SLC4A4: variants seen among roughly 807,000 people sequenced by gnomAD.
SLC4A4 encodes the protein solute carrier family 4 member 4.
A neutral mutation model predicts 111.5 loss-of-function variants in SLC4A4; 27 were observed. That is an observed-to-expected ratio of 0.24 (90% confidence interval 0.18 to 0.33). The LOEUF (loss-of-function observed/expected upper bound fraction) is 0.33. Ranked by LOEUF, SLC4A4 falls within the 10% of genes least tolerant of loss-of-function variation. The probability of loss-of-function intolerance (pLI) is 1.00; values close to 1 mark genes in which losing one functional copy is unlikely to be tolerated. For missense variants in SLC4A4, 909 were observed against 1,315.5 expected (o/e 0.69, Z 4.78); for synonymous variants, 443 against 463.4 (o/e 0.96, Z 0.57).
At chr4:71,415,379 G>A (rs1368582199) in intron 7 of SLC4A4, among the ~76,000 whole-genome samples, 1 of 152,122 alleles carries the variant, frequency 6.6e-6, no homozygotes. Context: ...GAACTCTAAT[G>A]TGATTATAAT....
chr4:71,429,955 A>G lies in SLC4A4; in HGVS notation c.808-10661A>G, dbSNP rs183094809. ...ATCTTTACATTTTTTCTAGTACTTTATTATTGTTCACAGTTTATTGTGTAA... is the reference window on the plus strand; with the variant it reads ...ATCTTTACATTTTTTCTAGTACTTTGTTATTGTTCACAGTTTATTGTGTAA... On this transcript the variant is annotated intron_variant, in intron 7 of 25. Coordinates refer to ENST00000264485, the MANE Select transcript of SLC4A4 (RefSeq NM_001098484.3). 1.4e-3 allele frequency among the ~76,000 whole-genome samples: 210 copies of G among 151,884 alleles called. 1 individual carries two copies. The highest frequency in any genetic ancestry group is 4.8e-3 in the African/African-American group (199 of 41,442).
intron 3 of SLC4A4, among the ~76,000 whole-genome samples, chr4:71,279,415 G>A (rs973863189): frequency 1.3e-5 from 2 of 152,012 alleles, no homozygotes; most frequent in Admixed American, 6.6e-5. Flanking sequence ...GCAAATGACA[G>A]GATTTCCTGT....
intron 3 of SLC4A4, among the ~76,000 whole-genome samples, chr4:71,270,585 T>A (rs74830758): frequency 0.015 from 2,317 of 152,338 alleles, 59 homozygotes; most frequent in African/African-American, 0.052. Flanking sequence ...TACTTAAAAA[T>A]GTAGAAACAC....
At chr4:71,297,132 G>A (rs1724856144) in intron 3 of SLC4A4, among the ~76,000 whole-genome samples, 5 of 152,206 alleles carry the variant, frequency 3.3e-5, no homozygotes, top group Admixed American at 3.3e-4. Context: ...TGTATTGGGA[G>A]GAGGCCCAAG....
intron 1 of SLC4A4, among the ~76,000 whole-genome samples, chr4:71,194,157 T>C (rs781521783): frequency 3.9e-5 from 6 of 152,182 alleles, no homozygotes; most frequent in Non-Finnish European, 5.9e-5. Context: ...ATTAGTTGTT[T>C]TGAGAATTTA....
chr4:71,308,190 G>A (rs531065386), intron 3 of SLC4A4, among the ~76,000 whole-genome samples: 2 of 152,010 alleles, frequency 1.3e-5, no homozygotes, highest in East Asian at 3.9e-4. Context: ...AGTGCTTTGA[G>A]AAAAAAAATC....
chr4:71,243,494 G>A (rs116339859), intron 2 of SLC4A4, among the ~76,000 whole-genome samples: 2 of 152,256 alleles, frequency 1.3e-5, no homozygotes, highest in South Asian at 4.1e-4. Context: ...TCTTGTTGCT[G>A]TCATGAGCTT....
chr4:71,544,652 T>G (rs1391911682), intron 18 of SLC4A4, among the ~76,000 whole-genome samples: 2 of 152,072 alleles, frequency 1.3e-5, no homozygotes, highest in Non-Finnish European at 2.9e-5. Context: ...ATCTTTTCCC[T>G]ATTCGCCTAA....
At chr4:71,398,785 T>C (rs181171476) in intron 7 of SLC4A4, among the ~76,000 whole-genome samples, 58 of 152,320 alleles carry the variant, frequency 3.8e-4, no homozygotes, top group African/African-American at 1.4e-3. Context: ...GTGGAAACTA[T>C]AATACATAAC....
chr4:71,472,676 A>G, intron 13 of SLC4A4, 23 bp from the exon 14 acceptor site: 3 of 1,611,052 alleles, frequency 1.9e-6, no homozygotes, highest in Middle Eastern at 1.7e-4. Context: ...AGGAATCTAA[A>G]CATTTTTCTT....
intron 17 of SLC4A4, 58 bp from the exon 18 acceptor site, chr4:71,534,169 C>G: frequency 1.3e-6 from 2 of 1,529,296 alleles, no homozygotes; most frequent in Non-Finnish European, 1.8e-6. Context: ...GGTTTTTTCA[C>G]CAAATAGTAT....
Position 71,357,050 on chromosome 4 carries a change from C to G in SLC4A4, c.593C>G (p.Pro198Arg). The change falls in exon 6 of 26, where the codon CCT becomes CGT. Residue 198 changes from proline (P) to arginine (R), a missense_variant. Physicochemically the swap from Pro to Arg is moderately radical, Grantham distance 103. Coordinates refer to ENST00000264485, the MANE Select transcript of SLC4A4 (RefSeq NM_001098484.3). ...CAGATTGAGACAGGCCTATTGAAAC[C>G]TGAACTTAAGGATAAGGTGACCTAT... ...DHQIETGLLK[P>R]ELKDKVTYTL... is the part of the protein sequence containing the mutation. The G allele has an allele frequency of 6.2e-7, 1 of 1,614,072 alleles. No individual in the cohort carries two copies. The highest frequency in any genetic ancestry group is 8.5e-7 in the Non-Finnish European group (1 of 1,179,978).
intron 1 of SLC4A4, among the ~76,000 whole-genome samples, chr4:71,065,038 TATA>T (rs1203427388): frequency 1.3e-5 from 2 of 152,114 alleles, no homozygotes; most frequent in Non-Finnish European, 2.9e-5. Context: ...TTGTATAAAA[TATA>T]ATAATAAACC....
intron 10 of SLC4A4, 23 bp downstream of exon 10, chr4:71,450,566 T>G (rs1015718803): frequency 1.2e-6 from 2 of 1,608,822 alleles, no homozygotes; most frequent in Non-Finnish European, 1.7e-6. Context: ...CAGTTGATAA[T>G]TTTCAGTAGC....
chr4:71,352,709 T>C (rs112113680), intron 5 of SLC4A4, among the ~76,000 whole-genome samples: 1,573 of 152,326 alleles, frequency 0.01, 13 homozygotes, highest in Middle Eastern at 0.02. Flanking sequence ...TCAGATGTAT[T>C]TGCTGTCTAC....
At chr4:71,353,025 A>G (rs557867273) in intron 5 of SLC4A4, among the ~76,000 whole-genome samples, 2 of 152,202 alleles carry the variant, frequency 1.3e-5, no homozygotes, top group Non-Finnish European at 2.9e-5. Flanking sequence ...TTCAGCAACT[A>G]ACTGACCGTT....
chr4:71,264,123 T>C (rs760615238), intron 3 of SLC4A4, among the ~76,000 whole-genome samples: 10 of 152,148 alleles, frequency 6.6e-5, no homozygotes, highest in Admixed American at 4.6e-4. Context: ...GGGATAGATA[T>C]ACAGATTAAG....
chr4:71,084,502 C>T (rs1742092687), intron 1 of SLC4A4, among the ~76,000 whole-genome samples: 1 of 152,068 alleles, frequency 6.6e-6, no homozygotes, highest in South Asian at 2.1e-4. Context: ...GTGCTGCACC[C>T]ATTAACTCGT....
chr4:71,303,310 G>A (rs1351515816), intron 3 of SLC4A4, among the ~76,000 whole-genome samples: 1 of 152,206 alleles, frequency 6.6e-6, no homozygotes, highest in Non-Finnish European at 1.5e-5. Context: ...ATAAAATGTA[G>A]CCCAAATGGC....
Sources: allele counts gnomAD v4.1 joint callset (sites outside exome capture counted in the v4.1 genomes callset), GRCh38; gene constraint gnomAD v4.1.1; transcripts MANE v1.5; gene names NCBI Gene and HGNC (gene_info 2026-07-23, HGNC 2026-07-21).